The following PPP1R2 variants were observed in gnomAD, a reference collection of about 807,000 sequenced individuals.
PPP1R2 encodes protein phosphatase 1 regulatory inhibitor subunit 2.
Under a neutral mutation model 29.9 loss-of-function variants are expected in PPP1R2, and 16 were observed. The ratio of observed to expected loss-of-function variants is 0.53; its 90% CI spans 0.36 to 0.81. PPP1R2 has a LOEUF of 0.81. Ranked by LOEUF, PPP1R2 falls within the 30% of genes least tolerant of loss-of-function variation. PPP1R2 has a pLI of 0.00. For synonymous variants in PPP1R2, 76 were observed against 91.5 expected, an observed-to-expected ratio of 0.83 and a Z score of 0.96; for missense variants, 197 against 252.7, an observed-to-expected ratio of 0.78 and a Z score of 1.49.
intron 2 of PPP1R2, among the ~76,000 whole-genome samples, chr3:195,525,125 G>A (rs976583071): frequency 1.6e-4 from 25 of 151,894 alleles, no homozygotes; most frequent in Non-Finnish European, 3.2e-4. Context: ...CATAAATACA[G>A]TCTGCCTGCC....
At chr3:195,541,287 TAA>T (rs1226855033) in intron 1 of PPP1R2, among the ~76,000 whole-genome samples, 2 of 152,024 alleles carry the variant, frequency 1.3e-5, no homozygotes, top group African/African-American at 2.4e-5. Flanking sequence ...GAAGCAGAGA[TAA>T]AGAGTAACTC....
chr3:195,524,735 C>A (rs1718898727), intron 3 of PPP1R2, 84 bp downstream of exon 3: 1 of 1,305,770 alleles, frequency 7.7e-7, no homozygotes, highest in Non-Finnish European at 1.1e-6. Context: ...CCCGCTCATA[C>A]AGGGACAGCC....
At chr3:195,542,192 G>A (rs555767276) in intron 1 of PPP1R2, among the ~76,000 whole-genome samples, 5 of 151,958 alleles carry the variant, frequency 3.3e-5, no homozygotes, top group Non-Finnish European at 7.4e-5. Flanking sequence ...TTATACAAAC[G>A]TACCGTAATT....
rs1021949385 is a variant in PPP1R2 at position 195,543,180 on chromosome 3, T to G, written c.-155A>C. ...CCTCGGAAACGGCTACCGCAGCGGT[T>G]GTCACGACACAACGACCCCGACGCC... On this transcript the variant is annotated 5_prime_UTR_variant, in exon 1 of 6. Transcript: ENST00000618156. The G allele has an allele frequency of 1.1e-5, 12 of 1,074,912 alleles. No individual in the cohort carries two copies. Among genetic ancestry groups the G allele is most frequent in the African/African-American group, 1.7e-5 (1 of 59,654 alleles). 66.6% of individuals were successfully genotyped at this position (1,074,912 alleles called of 1,614,324 possible). A position where few individuals can be genotyped will look rare whatever the true frequency, so the allele number is the denominator to read the frequency against.
intron 5 of PPP1R2, among the ~76,000 whole-genome samples, chr3:195,518,187 G>A (rs1244332205): frequency 1.3e-5 from 2 of 151,978 alleles, no homozygotes; most frequent in Non-Finnish European, 2.9e-5. Flanking sequence ...TATTTCCTAT[G>A]ACAGATCAGG....
chr3:195,542,427 T>C (rs914280945), intron 1 of PPP1R2, among the ~76,000 whole-genome samples: 3 of 152,200 alleles, frequency 2.0e-5, no homozygotes, highest in Non-Finnish European at 4.4e-5. Flanking sequence ...AAAACTCTGG[T>C]TGCAGATGCA....
intron 1 of PPP1R2, among the ~76,000 whole-genome samples, chr3:195,541,821 G>A (rs145310050): frequency 8.0e-4 from 122 of 152,158 alleles, no homozygotes; most frequent in Non-Finnish European, 1.4e-3. Flanking sequence ...GCCCCAAAAG[G>A]CCACGATTCT....
chr3:195,533,097 A>C (rs1719247659), intron 1 of PPP1R2, among the ~76,000 whole-genome samples: 1 of 152,134 alleles, frequency 6.6e-6, no homozygotes, highest in Non-Finnish European at 1.5e-5. Flanking sequence ...CTGTAATCCC[A>C]GCACTTTGGG....
rs148334147 is a variant in PPP1R2, at chr3:195,521,038, C to T, written c.404-1853G>A. Among the ~76,000 whole-genome samples the T allele has an allele frequency of 4.8e-3, 722 of 151,732 alleles. 5 individuals carry two copies. The highest frequency in any genetic ancestry group is 0.016 in the African/African-American group (651 of 41,392). On this transcript the variant is annotated intron_variant, in intron 4 of 5. Coordinates refer to ENST00000618156, the MANE Select transcript of PPP1R2 (RefSeq NM_006241.8). ...TATTTTTAAAACTTATACTGAAGTC[C>T]GGGCGCAGTGCTCACGCCTGTAATC... is the stretch of plus-strand genomic sequence containing the variant.
chr3:195,524,511 C>T (rs952077039), intron 3 of PPP1R2, among the ~76,000 whole-genome samples: 2 of 152,084 alleles, frequency 1.3e-5, no homozygotes. Context: ...AATGACAGAG[C>T]GAGACTCTGT....
chr3:195,517,752 T>G (rs1019229132), intron 5 of PPP1R2, among the ~76,000 whole-genome samples: 26 of 151,986 alleles, frequency 1.7e-4, no homozygotes, highest in Non-Finnish European at 3.2e-4. Flanking sequence ...AAATGGATAA[T>G]AAAAACATGC....
chr3:195,535,764 G>A lies in PPP1R2; in HGVS notation c.123-5863C>T, dbSNP rs139430291. Among the ~76,000 whole-genome samples the A allele has an allele frequency of 9.2e-5, 14 of 152,292 alleles. No individual in the cohort carries two copies. In the East Asian group the frequency reaches 1.9e-3, roughly 21 times the overall value. On this transcript the variant is annotated intron_variant, in intron 1 of 5. Coordinates refer to ENST00000618156, the MANE Select transcript of PPP1R2 (RefSeq NM_006241.8). Reference sequence around the variant, plus strand: ...GCTTGGCTTATTTTACAACATGGACGCTTTTATGATATGGACACTGAAACT... The same window carrying A: ...GCTTGGCTTATTTTACAACATGGACACTTTTATGATATGGACACTGAAACT...
chr3:195,522,945 G>A (rs991144691), intron 4 of PPP1R2: 13 of 152,026 alleles, frequency 8.6e-5, no homozygotes, highest in Non-Finnish European at 1.3e-4. Flanking sequence ...CTACCCACAA[G>A]CTTGGATTTT....
intron 4 of PPP1R2, among the ~76,000 whole-genome samples, chr3:195,522,884 T>G (rs1309863604): frequency 6.6e-6 from 1 of 152,194 alleles, no homozygotes; most frequent in East Asian, 1.9e-4. Flanking sequence ...CTACCATATT[T>G]TCCTTCTTCC....
rs1310343542 is a variant in PPP1R2 at position 195,543,254 on chromosome 3, G to A, written c.-229C>T. The A allele has an allele frequency of 8.4e-6, 4 of 474,434 alleles. No individual in the cohort carries two copies. Among genetic ancestry groups the A allele is most frequent in the Non-Finnish European group, 1.4e-5 (4 of 279,318 alleles). 29.4% of individuals were successfully genotyped at this position (474,434 alleles called of 1,614,324 possible). On this transcript the variant is annotated 5_prime_UTR_variant, in exon 1 of 6. Coordinates refer to ENST00000618156, the MANE Select transcript of PPP1R2 (RefSeq NM_006241.8). ...GGCTACTCGCGCACCCTTAGCCACT[G>A]GCACTTGACCCGCGGCTCGCGGAGA...
chr3:195,518,927 T>A, intron 5 of PPP1R2, 91 bp downstream of exon 5: 1 of 1,537,668 alleles, frequency 6.5e-7, no homozygotes. Context: ...CAAAATTTTC[T>A]GTTTTTTCAC....
intron 1 of PPP1R2, among the ~76,000 whole-genome samples, chr3:195,535,142 T>C (rs1466156087): frequency 6.6e-6 from 1 of 152,170 alleles, no homozygotes; most frequent in Non-Finnish European, 1.5e-5. Flanking sequence ...AGGATGAAAC[T>C]GTTCCACCTC....
chr3:195,516,871 A>G lies in PPP1R2; in HGVS notation c.*25T>C, dbSNP rs112276856. ...GTCACAGGGTTTACATCTAACAAAC[A>G]ATTGCAGTGTTGAACAAATCTCGTC... On this transcript the variant is annotated 3_prime_UTR_variant, in exon 6 of 6. Transcript: ENST00000618156. 1.7e-5 allele frequency: 28 copies of G among 1,601,350 alleles called. No individual in the cohort carries two copies. In the African/African-American group the frequency reaches 1.9e-4, roughly 11 times the overall value.
chr3:195,537,481 T>TTTTTTGTGTGTGTGTG (rs150119072), intron 1 of PPP1R2, among the ~76,000 whole-genome samples: 1 of 128,516 alleles, frequency 7.8e-6, no homozygotes, highest in African/African-American at 3.0e-5. Context: ...GGATTAGCTA[T>TTTTTTGTGTGTGTGTG]TGTGTGTGTG....
Sources: allele counts gnomAD v4.1 joint callset (sites outside exome capture counted in the v4.1 genomes callset), GRCh38; gene constraint gnomAD v4.1.1; transcripts MANE v1.5; gene names NCBI Gene and HGNC (gene_info 2026-07-23, HGNC 2026-07-21).